The following MAP4 variants were observed in gnomAD, a reference collection of about 807,000 sequenced individuals.
The protein encoded by MAP4 is microtubule-associated protein 4.
A neutral mutation model predicts 170.2 loss-of-function variants in MAP4; 76 were observed. That is an observed-to-expected ratio of 0.45 (90% CI 0.37 to 0.54). The LOEUF (loss-of-function observed/expected upper bound fraction) is 0.54, where lower values mean the gene tolerates loss of function less well. Ranked by LOEUF, MAP4 falls within the 20% of genes least tolerant of loss-of-function variation. The pLI is 0.00. For synonymous variants in MAP4, 909 were observed against 994.5 expected (o/e 0.91, Z 1.62); for missense variants, 2,506 against 2,748.0 (o/e 0.91, Z 1.97).
chr3:48,081,363 T>G (rs2100146615), intron 1 of MAP4, among the ~76,000 whole-genome samples: 1 of 152,042 alleles, frequency 6.6e-6, no homozygotes, highest in Admixed American at 6.6e-5. Flanking sequence ...AATCACTCAC[T>G]TCCTGTTTGG....
rs540164480 is a variant in MAP4, at chr3:47,896,154, A to G, written c.5434+6796T>C. Among the ~76,000 whole-genome samples, 520 of 152,328 alleles carry G rather than the reference A, an allele frequency of 3.4e-3. 3 individuals are homozygous for G. The highest frequency in any genetic ancestry group is 0.01 in the Middle Eastern group (3 of 294). On this transcript the variant is annotated intron_variant, in intron 10 of 20. Transcript: ENST00000683076. Reference sequence around the variant, plus strand: ...ACAAAACACATAGCCGTGAGGATTGAGGGAATATATATAAAAAGCATTTGA... The same window carrying G: ...ACAAAACACATAGCCGTGAGGATTGGGGGAATATATATAAAAAGCATTTGA...
intron 1 of MAP4, among the ~76,000 whole-genome samples, chr3:48,038,947 C>A (rs1052608027): frequency 6.6e-6 from 1 of 151,880 alleles, no homozygotes; most frequent in Non-Finnish European, 1.5e-5. Flanking sequence ...ACAAAAAATA[C>A]AAAAATTAGC....
intron 3 of MAP4, among the ~76,000 whole-genome samples, chr3:47,948,566 T>G (rs1416707365): frequency 1.3e-5 from 2 of 152,036 alleles, no homozygotes; most frequent in Non-Finnish European, 2.9e-5. Flanking sequence ...GTTAACAGTG[T>G]GTACAAACAC....
At chr3:47,925,541 A>G (rs898122592) in intron 4 of MAP4, among the ~76,000 whole-genome samples, 1 of 152,192 alleles carries the variant, frequency 6.6e-6, no homozygotes. Flanking sequence ...ATGGAGTATT[A>G]CGTGTCCATA....
chr3:48,025,127 T>G (rs1359228707), intron 1 of MAP4, among the ~76,000 whole-genome samples: 1 of 152,136 alleles, frequency 6.6e-6, no homozygotes, highest in African/African-American at 2.4e-5. Context: ...ACTCTCTTCA[T>G]GTCGACAAAA....
Position 47,921,852 on chromosome 3 carries a change from C to A in MAP4, c.442G>T (p.Asp148Tyr). Residue 148 changes from aspartate to tyrosine, a missense_variant, in exon 5 of 21, where the codon GAC becomes TAC. By Grantham distance (160) the Asp-to-Tyr change is radical. Coordinates refer to ENST00000683076, the MANE Select transcript of MAP4 (RefSeq NM_001385682.1). ...TDPFKMYHDD[D>Y]LADLVFPSSA... ...GAGGGAAAGACCAAATCTGCCAGGTCATCATCATGGTACATCTTAAAGGGA... is the reference window on the plus strand; with the variant it reads ...GAGGGAAAGACCAAATCTGCCAGGTAATCATCATGGTACATCTTAAAGGGA... 1 of 1,591,222 alleles carries A rather than the reference C, an allele frequency of 6.3e-7. No homozygotes were observed. Among genetic ancestry groups the A allele is most frequent in the Non-Finnish European group, 8.6e-7 (1 of 1,159,218 alleles).
intron 1 of MAP4, among the ~76,000 whole-genome samples, chr3:48,002,878 A>T (rs2100099992): frequency 6.6e-6 from 1 of 151,894 alleles, no homozygotes; most frequent in Non-Finnish European, 1.5e-5. Context: ...GTCTCAAAAA[A>T]CAAAAATTAA....
intron 1 of MAP4, among the ~76,000 whole-genome samples, chr3:48,055,349 C>T (rs1335577179): frequency 2.6e-5 from 4 of 152,180 alleles, no homozygotes; most frequent in African/African-American, 7.2e-5. Flanking sequence ...CGAATGCCTG[C>T]GATTGCAGGC....
chr3:47,887,225 C>A (rs868230289), intron 10 of MAP4, among the ~76,000 whole-genome samples: 47 of 152,348 alleles, frequency 3.1e-4, no homozygotes, highest in Admixed American at 1.6e-3. Flanking sequence ...CGAGCAGGAA[C>A]CGGGGCTGCG....
Position 47,911,593 on chromosome 3 carries a change from C to A in MAP4, c.2828G>T (p.Arg943Ile). 1 of 1,536,094 alleles carries A rather than the reference C, an allele frequency of 6.5e-7. No individual in the cohort carries two copies. The highest frequency in any genetic ancestry group is 8.7e-7 in the Non-Finnish European group (1 of 1,146,900). ...GAAAGGAGAGCAACCCTCTTTAAGT[C>A]TGATATCCAAAGGGGTTTCTACATT... ...AYNVETPLDIRLKEGCSPFLD... is the reference protein window; with the variant it reads ...AYNVETPLDIILKEGCSPFLD... Residue 943 changes from arginine (R) to isoleucine (I), a missense_variant, in exon 9 of 21, where the codon AGA (arginine) becomes ATA (isoleucine). By Grantham distance (97) the Arg-to-Ile change is moderately conservative (BLOSUM62 -3). Around this residue, in one of 3 missense-constraint regions of MAP4, gnomAD observed 2,008 missense variants for 2,206.0 expected, o/e 0.91. Coordinates refer to ENST00000683076, the MANE Select transcript of MAP4 (RefSeq NM_001385682.1). This position sits in a 1 kb window ranked among gnomAD's most constrained non-coding sequence, Gnocchi z 4.0.
At chr3:47,874,964 C>T (rs1170334660) in intron 12 of MAP4, among the ~76,000 whole-genome samples, 3 of 150,924 alleles carry the variant, frequency 2.0e-5, no homozygotes, top group Non-Finnish European at 4.4e-5. Flanking sequence ...GGAATGCAGC[C>T]ACAGCCTCCA....
chr3:47,877,310 A>C, intron 11 of MAP4, 107 bp downstream of exon 11: 2 of 824,056 alleles, frequency 2.4e-6, no homozygotes, highest in Non-Finnish European at 4.1e-6. Context: ...GAAGGACAAT[A>C]ACAGCTCAGA....
In MAP4 at chr3:48,070,582, G is replaced by A. The variant is rs192645436; in HGVS notation, c.-20+18191C>T. 3.4e-4 allele frequency among the ~76,000 whole-genome samples: 52 copies of A among 151,924 alleles called. No homozygotes were observed. The East Asian group carries it at 6.8e-3, about 20-fold the overall frequency. ...AGCAATCCTCCCATCCTTGGTATCC[G>A]AAGTGCTGGGATTCCAGGTGTAAAC... On this transcript the variant is annotated intron_variant, in intron 1 of 18. Transcript: ENST00000360240.
intron 10 of MAP4, among the ~76,000 whole-genome samples, chr3:47,897,499 C>T (rs1430441706): frequency 1.3e-5 from 2 of 152,076 alleles, no homozygotes; most frequent in African/African-American, 4.8e-5. Flanking sequence ...CTTTTGTGAT[C>T]ACTCCAAAAC....
chr3:47,855,367 C>A lies in MAP4; in HGVS notation c.6584-7G>T. ...ATCTTGACATCTCCTCCACCTGGAA[C>A]CACAAAGGAACTGGTCACCTAGGGT... On this transcript the variant is annotated splice_polypyrimidine_tract_variant and splice_region_variant and intron_variant, in intron 18 of 20. Coordinates refer to ENST00000683076, the MANE Select transcript of MAP4 (RefSeq NM_001385682.1). This position sits in a 1 kb window ranked among gnomAD's most constrained non-coding sequence, Gnocchi z 5.1. 1 of 1,580,530 alleles carries A rather than the reference C, an allele frequency of 6.3e-7. No individual in the cohort carries two copies. The highest frequency in any genetic ancestry group is 8.7e-7 in the Non-Finnish European group (1 of 1,149,438).
chr3:47,988,210 A>G (rs1436058666), intron 2 of MAP4, among the ~76,000 whole-genome samples: 3 of 151,548 alleles, frequency 2.0e-5, no homozygotes, highest in Non-Finnish European at 2.9e-5. Context: ...AAAAAAAAAG[A>G]AAGCAAAGCA....
At chr3:48,029,004 G>C (rs1037840932) in intron 1 of MAP4, among the ~76,000 whole-genome samples, 1 of 151,872 alleles carries the variant, frequency 6.6e-6, no homozygotes, top group African/African-American at 2.4e-5. Flanking sequence ...AGGTTAGCTG[G>C]TTGTGGTGGC....
intron 4 of MAP4, among the ~76,000 whole-genome samples, chr3:47,923,708 C>T (rs1406935806): frequency 2.7e-5 from 4 of 150,144 alleles, no homozygotes; most frequent in South Asian, 4.2e-4. Context: ...CCCAGCTACT[C>T]GGAAGGCTGA....
At chr3:48,088,335 A>T (rs1283966162) in intron 1 of MAP4, among the ~76,000 whole-genome samples, 2 of 151,842 alleles carry the variant, frequency 1.3e-5, no homozygotes, top group Non-Finnish European at 2.9e-5. Context: ...TGGACATACT[A>T]AGGCTCACCT....
Sources: gnomAD v4.1 joint callset for allele counts (sites outside exome capture counted in the v4.1 genomes callset) on GRCh38, gnomAD v4.1.1 for gene constraint, gnomAD v4.1.1 regional missense constraint, Gnocchi (gnomAD v3.1) non-coding constraint, MANE v1.5 for transcripts, NCBI Gene and HGNC (gene_info 2026-07-23, HGNC 2026-07-21) for gene names.